YPEL2: variants seen among roughly 807,000 people sequenced by gnomAD.
YPEL2 encodes the protein yippee like 2, also known as protein yippee-like 2.
In YPEL2, 2 loss-of-function variants were observed where a neutral mutation model predicts 19.1. That is an observed-to-expected ratio of 0.10 (90% CI 0.04 to 0.33). The LOEUF (loss-of-function observed/expected upper bound fraction) is 0.33. Ranked by LOEUF, YPEL2 falls within the 10% of genes least tolerant of loss-of-function variation. YPEL2 has a pLI of 1.00. For missense variants in YPEL2, 66 were observed against 140.7 expected (o/e 0.47, Z 2.68); for synonymous variants, 52 against 50.0 (o/e 1.04, Z -0.17).
At chr17:59,338,692 C>A (rs1050034272) in intron 1 of YPEL2, among the ~76,000 whole-genome samples, 1 of 152,106 alleles carries the variant, frequency 6.6e-6, no homozygotes, top group South Asian at 2.1e-4. Flanking sequence ...TAGAGCACTC[C>A]GTGGGAGTGG....
At chr17:59,351,525 C>G (rs1051134065) in intron 1 of YPEL2, among the ~76,000 whole-genome samples, 1 of 152,110 alleles carries the variant, frequency 6.6e-6, no homozygotes, top group Admixed American at 6.5e-5. Context: ...ACCTGCTACC[C>G]AGAGTGTGCC....
In YPEL2 at chr17:59,397,851, T is replaced by C. The variant is rs1174783189; in HGVS notation, c.*661T>C. On this transcript the variant is annotated 3_prime_UTR_variant, in exon 5 of 5. Transcript: ENST00000312655. ...GGTTCTCCTGGGCTGAGTGGGGGAG[T>C]GTCCTGGCAGCAGCGAGTGACCTGG... The C allele has an allele frequency of 6.6e-6, 1 of 151,728 alleles. No homozygotes were observed. The highest frequency in any genetic ancestry group is 2.4e-5 in the African/African-American group (1 of 41,192). 9.4% of individuals were successfully genotyped at this position (151,728 alleles called of 1,614,324 possible).
chr17:59,391,688 A>AACCCGCCTC (rs2048008145), intron 4 of YPEL2, among the ~76,000 whole-genome samples: 1 of 152,130 alleles, frequency 6.6e-6, no homozygotes, highest in Admixed American at 6.5e-5. Context: ...ACCTGAGGTC[A>AACCCGCCTC]AGAGTTCGAG....
intron 4 of YPEL2, 65 bp from the exon 5 acceptor site, chr17:59,397,035 GA>G (rs3214250): frequency 0.31 from 399,178 of 1,282,590 alleles, 60,678 homozygotes; most frequent in Middle Eastern, 0.42. Flanking sequence ...CCTCAAAAAA[GA>G]AAAAAAAAAT....
At chr17:59,360,416 C>T (rs1219792421) in intron 2 of YPEL2, among the ~76,000 whole-genome samples, 1 of 152,196 alleles carries the variant, frequency 6.6e-6, no homozygotes, top group African/African-American at 2.4e-5. Flanking sequence ...TAAGCTACAG[C>T]CAAGGCAGAA....
intron 1 of YPEL2, among the ~76,000 whole-genome samples, chr17:59,346,331 T>C (rs559603689): frequency 6.6e-6 from 1 of 152,306 alleles, no homozygotes; most frequent in African/African-American, 2.4e-5. Flanking sequence ...GTTTTTAATT[T>C]GTTTGTTTTT....
Position 59,400,413 on chromosome 17 carries a change from A to G in YPEL2, c.*3223A>G, listed in dbSNP as rs968591292. 2 of 151,982 alleles carry G rather than the reference A, an allele frequency of 1.3e-5. No individual in the cohort carries two copies. The highest frequency in any genetic ancestry group is 2.9e-5 in the Non-Finnish European group (2 of 67,920). The allele number at this position is 151,982 out of a possible 1,614,324, so 9.4% of individuals were successfully genotyped here. On this transcript the variant is annotated 3_prime_UTR_variant, in exon 5 of 5. Transcript: ENST00000312655. ...TGAGAGCACTTTTTATTTTCCTTTT[A>G]AATTCTATGGTTTCCTTTGCATTTC...
intron 4 of YPEL2, among the ~76,000 whole-genome samples, chr17:59,389,947 A>G (rs747999319): frequency 2.0e-4 from 31 of 152,156 alleles, no homozygotes; most frequent in Non-Finnish European, 4.3e-4. Context: ...GTGACCATGT[A>G]GTAGTATTCT....
At chr17:59,332,023 G>T (rs1020269106) in intron 1 of YPEL2, among the ~76,000 whole-genome samples, 199 bp downstream of exon 1, 4 of 151,670 alleles carry the variant, frequency 2.6e-5, no homozygotes, top group Non-Finnish European at 5.9e-5. Flanking sequence ...CCACGTGACC[G>T]GTTTGTTTAC....
chr17:59,348,887 T>TA (rs765598418), intron 1 of YPEL2, among the ~76,000 whole-genome samples: 8 of 151,466 alleles, frequency 5.3e-5, no homozygotes, highest in African/African-American at 1.5e-4. Flanking sequence ...TTTCTTCCTT[T>TA]AAAAAAAAAT....
At chr17:59,377,642 A>C (rs1163398946) in intron 2 of YPEL2, among the ~76,000 whole-genome samples, 2 of 152,174 alleles carry the variant, frequency 1.3e-5, no homozygotes, top group Non-Finnish European at 2.9e-5. Context: ...CTGCTGTTCT[A>C]ACCCCATGCC....
intron 1 of YPEL2, among the ~76,000 whole-genome samples, chr17:59,339,968 T>C (rs1030566355): frequency 1.3e-5 from 2 of 152,094 alleles, no homozygotes; most frequent in African/African-American, 2.4e-5. Flanking sequence ...CTTACTGAGC[T>C]TTCTGAGCTC....
At chr17:59,352,713 G>A (rs143628039) in intron 1 of YPEL2, among the ~76,000 whole-genome samples, 4 of 152,296 alleles carry the variant, frequency 2.6e-5, no homozygotes, top group South Asian at 4.1e-4. Context: ...GCTGGGGTGT[G>A]GGGTTTGCTG....
Position 59,389,371 on chromosome 17 carries a change from G to T in YPEL2, c.173G>T (p.Gly58Val). 1.9e-6 allele frequency: 3 copies of T among 1,613,956 alleles called. No homozygotes were observed. The highest frequency in any genetic ancestry group is 2.5e-6 in the Non-Finnish European group (3 of 1,179,930). ...AYLFNSVVNV[G>V]CGPAEERVLL... The stretch of plus-strand genomic sequence containing the variant: ...GTGCCTCGACATAGAGTTAATGTGG[G>T]CTGTGGGCCTGCAGAAGAGCGAGTG... The change falls in exon 4 of 5, where the codon GGC becomes GTC. Residue 58 changes from glycine to valine, a missense_variant. Transcript: ENST00000312655.
chr17:59,351,551 G>A (rs2047787608), intron 1 of YPEL2, among the ~76,000 whole-genome samples: 1 of 151,960 alleles, frequency 6.6e-6, no homozygotes, highest in African/African-American at 2.4e-5. Flanking sequence ...TGTGATGAAG[G>A]GGTTCTGGAT....
At chr17:59,385,913 G>A (rs2047977627) in intron 2 of YPEL2, among the ~76,000 whole-genome samples, 1 of 152,234 alleles carries the variant, frequency 6.6e-6, no homozygotes, top group Admixed American at 6.5e-5. Flanking sequence ...ATTCTTATGT[G>A]TTTGGCATTC....
intron 1 of YPEL2, among the ~76,000 whole-genome samples, chr17:59,332,043 C>T (rs979217309): frequency 7.9e-5 from 12 of 151,868 alleles, no homozygotes; most frequent in African/African-American, 2.7e-4. Context: ...CAAACACTGC[C>T]GGGCCCGCGG....
rs1035779317 is a variant in YPEL2 at position 59,399,628 on chromosome 17, A to G, written c.*2438A>G. 1 of 152,240 alleles carries G rather than the reference A, an allele frequency of 6.6e-6. No individual in the cohort carries two copies. Among genetic ancestry groups the G allele is most frequent in the African/African-American group, 2.4e-5 (1 of 41,362 alleles). The allele number at this position is 152,240 out of a possible 1,614,324, so 9.4% of individuals were successfully genotyped here. A position where few individuals can be genotyped will look rare whatever the true frequency, so the allele number is the denominator to read the frequency against. ...GTAGAGTGTTGGTTTTTCCATAACT[A>G]CAGGGGGAAAAAAAGTCATTAGGCT... On this transcript the variant is annotated 3_prime_UTR_variant, in exon 5 of 5. Coordinates refer to ENST00000312655, the MANE Select transcript of YPEL2 (RefSeq NM_001005404.4).
chr17:59,388,368 A>G lies in YPEL2; in HGVS notation c.159A>G (p.Ser53=). Residue 53 remains serine (S), a splice_region_variant and synonymous_variant, in exon 3 of 5, where the codon TCA becomes TCG. Transcript: ENST00000312655. ...GSQGRAYLFN[S]VVNVGCGPAE... ...AAGGACGAGCATACCTCTTTAACTC[A>G]GTGTGAGTGCCTCTGAATGGTACAT... 2 of 1,614,146 alleles carry G rather than the reference A, an allele frequency of 1.2e-6. No homozygotes were observed. Among genetic ancestry groups the G allele is most frequent in the Non-Finnish European group, 1.7e-6 (2 of 1,179,972 alleles).
Sources: allele counts gnomAD v4.1 joint callset (sites outside exome capture counted in the v4.1 genomes callset), GRCh38; gene constraint gnomAD v4.1.1; transcripts MANE v1.5; gene names NCBI Gene and HGNC (gene_info 2026-07-23, HGNC 2026-07-21).